The following CFAP90 variants were observed in gnomAD, a reference collection of about 807,000 sequenced individuals.
CFAP90 encodes the protein cilia- and flagella-associated protein 90.
At chr5:7,832,118 C>A in the CFAP90 span, 3 of 1,339,186 alleles carry the variant, frequency 2.2e-6, no homozygotes, top group Non-Finnish European at 3.1e-6. Context: ...GTCCTGGGAG[C>A]TTTTTCTGCC....
chr5:7,850,503 C>T, the CFAP90 span, among the ~76,000 whole-genome samples: 1 of 151,568 alleles, frequency 6.6e-6, no homozygotes, highest in Non-Finnish European at 1.5e-5. Flanking sequence ...CATCCCTGCC[C>T]CCAGGCCCCC....
At chr5:7,841,182 A>G in the CFAP90 span, among the ~76,000 whole-genome samples, 1 of 152,240 alleles carries the variant, frequency 6.6e-6, no homozygotes, top group East Asian at 1.9e-4. Context: ...GGACATGAAC[A>G]GACACTTCTC....
the CFAP90 span, among the ~76,000 whole-genome samples, chr5:7,834,567 C>T: frequency 6.6e-6 from 1 of 152,268 alleles, no homozygotes; most frequent in African/African-American, 2.4e-5. Context: ...TAGGCCTTCA[C>T]ATTCACTCAC....
At chr5:7,850,492 G>T in the CFAP90 span, among the ~76,000 whole-genome samples, 1 of 151,220 alleles carries the variant, frequency 6.6e-6, no homozygotes. Flanking sequence ...CCCCGGCGGC[G>T]CATCCCTGCC....
the CFAP90 span, among the ~76,000 whole-genome samples, chr5:7,833,206 G>A: frequency 6.6e-6 from 1 of 152,184 alleles, no homozygotes; most frequent in African/African-American, 2.4e-5. Flanking sequence ...GGCACAAAAA[G>A]ATAGAGGAGA....
the CFAP90 span, among the ~76,000 whole-genome samples, chr5:7,842,534 C>T: frequency 8.6e-5 from 13 of 152,006 alleles, no homozygotes; most frequent in East Asian, 1.2e-3. Context: ...GTCCTCCAAA[C>T]CCTCTCTCCC....
the CFAP90 span, among the ~76,000 whole-genome samples, chr5:7,836,310 A>G: frequency 5.7e-3 from 863 of 152,286 alleles, 13 homozygotes; most frequent in African/African-American, 0.02. Flanking sequence ...AAAACAAACA[A>G]TACCTACATA....
At chr5:7,830,974 C>A in the CFAP90 span, 1 of 152,200 alleles carries the variant, frequency 6.6e-6, no homozygotes, top group Non-Finnish European at 1.5e-5. Flanking sequence ...GGGTGGGGCA[C>A]ACACTGGGTA....
At chr5:7,850,249 G>A in the CFAP90 span, among the ~76,000 whole-genome samples, 1 of 151,888 alleles carries the variant, frequency 6.6e-6, no homozygotes, top group African/African-American at 2.4e-5. Context: ...TGTCTCCCCA[G>A]CTGACCCTGC....
the CFAP90 span, chr5:7,851,087 A>G: frequency 8.1e-7 from 1 of 1,233,246 alleles, no homozygotes; most frequent in Non-Finnish European, 1.0e-6. Flanking sequence ...GCCCAGTCGG[A>G]GTCTGCAGGC....
chr5:7,840,979 CA>C, the CFAP90 span, among the ~76,000 whole-genome samples: 5 of 152,098 alleles, frequency 3.3e-5, no homozygotes, highest in African/African-American at 9.7e-5. Flanking sequence ...TGCAACAAAG[CA>C]AAAATTGACA....
At chr5:7,832,467 C>G in the CFAP90 span, among the ~76,000 whole-genome samples, 1 of 152,066 alleles carries the variant, frequency 6.6e-6, no homozygotes, top group African/African-American at 2.4e-5. Flanking sequence ...TTCCCTCATA[C>G]CACTCATCAC....
chr5:7,844,024 T>C, the CFAP90 span, among the ~76,000 whole-genome samples: 17 of 152,312 alleles, frequency 1.1e-4, no homozygotes, highest in Admixed American at 1.0e-3. Flanking sequence ...TTTCGTACCA[T>C]GTGAAAGGTC....
At chr5:7,848,751 G>C in the CFAP90 span, among the ~76,000 whole-genome samples, 2 of 152,124 alleles carry the variant, frequency 1.3e-5, no homozygotes, top group Non-Finnish European at 2.9e-5. Flanking sequence ...TCCTGTTCTC[G>C]TGATAGTGAG....
chr5:7,848,593 C>T, the CFAP90 span, among the ~76,000 whole-genome samples: 3 of 152,222 alleles, frequency 2.0e-5, no homozygotes, highest in South Asian at 2.1e-4. Flanking sequence ...CAGCTGTCTT[C>T]TCCCTGTGTC....
the CFAP90 span, among the ~76,000 whole-genome samples, chr5:7,850,063 G>A: frequency 7.2e-5 from 11 of 152,072 alleles, no homozygotes; most frequent in African/African-American, 1.9e-4. Context: ...CTTCTCCGAA[G>A]AGCACCGGGT....
At chr5:7,843,665 C>A in the CFAP90 span, among the ~76,000 whole-genome samples, 1 of 152,150 alleles carries the variant, frequency 6.6e-6, no homozygotes, top group African/African-American at 2.4e-5. Flanking sequence ...CCCAGCCCAG[C>A]AATTCACAAC....
At chr5:7,840,257 C>A in the CFAP90 span, among the ~76,000 whole-genome samples, 4 of 152,210 alleles carry the variant, frequency 2.6e-5, no homozygotes, top group South Asian at 2.1e-4. Context: ...CCCTCAGTTT[C>A]CCTCACAGTG....
At chr5:7,831,316 A>G in the CFAP90 span, 3 of 152,762 alleles carry the variant, frequency 2.0e-5, no homozygotes, top group African/African-American at 7.2e-5. Context: ...ACAAAAATGG[A>G]GTTTCTAGAG....
Sources: gnomAD v4.1 joint callset for allele counts (sites outside exome capture counted in the v4.1 genomes callset) on GRCh38, gnomAD v4.1.1 for gene constraint, MANE v1.5 for transcripts, NCBI Gene and HGNC (gene_info 2026-07-23, HGNC 2026-07-21) for gene names.